Variants in DNM3 observed in about 807,000 individuals in gnomAD.
The protein encoded by DNM3 is dynamin 3, also known as dynamin-3.
DNM3 carries 47 observed loss-of-function variants against 101.6 expected under a neutral mutation model. The ratio of observed to expected loss-of-function variants is 0.46; its 90% CI spans 0.37 to 0.59. DNM3 has a LOEUF of 0.59. DNM3 is among the 20% of genes least tolerant of loss of function. The probability of loss-of-function intolerance (pLI) is 0.00; values close to 1 mark genes in which losing one functional copy is unlikely to be tolerated. For missense variants in DNM3, 849 were observed against 1,085.7 expected (o/e 0.78, Z 3.06); for synonymous variants, 385 against 387.9 (o/e 0.99, Z 0.09).
At chr1:172,289,540 T>C (rs1240614916) in intron 15 of DNM3, 6 of 934,558 alleles carry the variant, frequency 6.4e-6, no homozygotes, top group Non-Finnish European at 3.8e-6. Flanking sequence ...AACTCCTAAA[T>C]GTAACAATAA....
intron 17 of DNM3, among the ~76,000 whole-genome samples, chr1:172,340,701 G>A (rs760843290): frequency 7.9e-5 from 12 of 152,188 alleles, no homozygotes; most frequent in Admixed American, 3.9e-4. Flanking sequence ...CAGAGACTAT[G>A]GTGTTTTCTA....
At chr1:171,955,161 G>A (rs2042773892) in intron 2 of DNM3, among the ~76,000 whole-genome samples, 2 of 152,138 alleles carry the variant, frequency 1.3e-5, no homozygotes, top group Non-Finnish European at 2.9e-5. Flanking sequence ...CTGGATAAGT[G>A]TTATCCCTTA....
intron 15 of DNM3, among the ~76,000 whole-genome samples, chr1:172,279,463 A>G (rs187917807): frequency 3.9e-4 from 59 of 152,270 alleles, no homozygotes; most frequent in Admixed American, 2.7e-3. Context: ...TGAACACCTT[A>G]GTCACGAATT....
chr1:172,251,741 TA>T (rs2062178909), intron 14 of DNM3, among the ~76,000 whole-genome samples: 1 of 152,136 alleles, frequency 6.6e-6, no homozygotes, highest in African/African-American at 2.4e-5. Flanking sequence ...GATTTCCCAT[TA>T]AAAGGCAAAT....
At chr1:172,291,169 A>G (rs2063897819) in intron 15 of DNM3, among the ~76,000 whole-genome samples, 1 of 152,200 alleles carries the variant, frequency 6.6e-6, no homozygotes, top group African/African-American at 2.4e-5. Flanking sequence ...ATAATTCAAG[A>G]TAACTCAAGG....
intron 3 of DNM3, 120 bp downstream of exon 3, chr1:171,987,925 A>T: frequency 1.1e-6 from 1 of 943,766 alleles, no homozygotes; most frequent in Non-Finnish European, 1.4e-6. Flanking sequence ...TCCTTTGGAT[A>T]CTGCCCATTA....
At chr1:171,921,992 GATTAC>G (rs1268866278) in intron 2 of DNM3, among the ~76,000 whole-genome samples, 171 bp downstream of exon 2, 1 of 151,876 alleles carries the variant, frequency 6.6e-6, no homozygotes, top group Non-Finnish European at 1.5e-5. Flanking sequence ...TCATTCCTTT[GATTAC>G]ATTAAAGGGG....
At chr1:172,089,156 T>G (rs2053735059) in intron 12 of DNM3, among the ~76,000 whole-genome samples, 1 of 151,642 alleles carries the variant, frequency 6.6e-6, no homozygotes, top group Non-Finnish European at 1.5e-5. Flanking sequence ...TGCTTTCTAT[T>G]ACATCCTCAC....
chr1:172,399,482 G>A (rs1255306894), intron 20 of DNM3, among the ~76,000 whole-genome samples: 4 of 152,116 alleles, frequency 2.6e-5, no homozygotes, highest in Non-Finnish European at 1.5e-5. Flanking sequence ...TCAGAAAGAG[G>A]AGGCTCGTGG....
chr1:171,970,224 GA>G (rs1275101292), intron 2 of DNM3: 21 of 567,112 alleles, frequency 3.7e-5, no homozygotes, highest in Non-Finnish European at 4.7e-5. Context: ...AACAAACTCA[GA>G]ACTACTGAAG....
rs1011952571 is a variant in DNM3, at chr1:171,981,625, A to T, written c.236-6031A>T. ...GACAGTGCTAAAATGTTTTAAAAGG[A>T]AATAAAAATAAAATAGAATTATAGC... On this transcript the variant is annotated intron_variant, in intron 2 of 20. Coordinates refer to ENST00000627582, the MANE Select transcript of DNM3 (RefSeq NM_015569.5). 7.9e-5 allele frequency among the ~76,000 whole-genome samples: 12 copies of T among 152,352 alleles called. No homozygotes were observed. In the East Asian group the frequency reaches 2.3e-3, roughly 29 times the overall value.
intron 12 of DNM3, among the ~76,000 whole-genome samples, chr1:172,083,253 C>T (rs897131050): frequency 2.0e-5 from 3 of 152,010 alleles, no homozygotes; most frequent in African/African-American, 7.3e-5. Context: ...CTGTGCCAAG[C>T]TCTACTCTAG....
At chr1:172,130,775 A>G (rs937546426) in intron 13 of DNM3, among the ~76,000 whole-genome samples, 1 of 152,202 alleles carries the variant, frequency 6.6e-6, no homozygotes, top group African/African-American at 2.4e-5. Flanking sequence ...AGGCAAACAA[A>G]TGGGCCAGTA....
At chr1:171,950,192 C>T (rs993585192) in intron 2 of DNM3, among the ~76,000 whole-genome samples, 1 of 151,728 alleles carries the variant, frequency 6.6e-6, no homozygotes, top group Non-Finnish European at 1.5e-5. Context: ...AATGATGCAG[C>T]GTGAAAGAAG....
chr1:171,862,470 A>G (rs2034278546), intron 1 of DNM3, among the ~76,000 whole-genome samples: 1 of 152,166 alleles, frequency 6.6e-6, no homozygotes. Flanking sequence ...AAAACATTAC[A>G]CTAAGTGAAA....
chr1:172,317,267 A>G (rs915513616), intron 16 of DNM3, among the ~76,000 whole-genome samples: 4 of 151,872 alleles, frequency 2.6e-5, no homozygotes, highest in African/African-American at 4.8e-5. Context: ...ATAGCACTAA[A>G]TGCCCATAAG....
chr1:172,169,352 G>A (rs1357474472), intron 14 of DNM3, among the ~76,000 whole-genome samples: 1 of 151,836 alleles, frequency 6.6e-6, no homozygotes, highest in African/African-American at 2.4e-5. Flanking sequence ...CTACATCTCT[G>A]TGACTGCTGC....
intron 14 of DNM3, among the ~76,000 whole-genome samples, chr1:172,249,583 A>G (rs932150333): frequency 6.6e-6 from 1 of 152,128 alleles, no homozygotes; most frequent in Non-Finnish European, 1.5e-5. Flanking sequence ...TACTATATTT[A>G]AATATGAAGA....
At chr1:171,860,951 G>T (rs1482870111) in intron 1 of DNM3, among the ~76,000 whole-genome samples, 2 of 152,086 alleles carry the variant, frequency 1.3e-5, no homozygotes, top group African/African-American at 4.8e-5. Flanking sequence ...GAGCCTGTAA[G>T]GTATGCAGGT....
Sources: allele counts gnomAD v4.1 joint callset (sites outside exome capture counted in the v4.1 genomes callset), GRCh38; gene constraint gnomAD v4.1.1; transcripts MANE v1.5; gene names NCBI Gene and HGNC (gene_info 2026-07-23, HGNC 2026-07-21).